LEKR1: variants seen among roughly 807,000 people sequenced by gnomAD.
LEKR1 encodes the protein leucine, glutamate and lysine rich 1.
A neutral mutation model predicts 72.4 loss-of-function variants in LEKR1; 59 were observed. The observed-to-expected ratio is 0.82, with a 90% CI of 0.66 to 1.01. LEKR1 has a LOEUF of 1.01. Ranked by LOEUF, LEKR1 falls within the 50% of genes least tolerant of loss-of-function variation. The pLI is 0.00. For synonymous variants in LEKR1, 257 were observed against 263.2 expected (o/e 0.98, Z 0.23); for missense variants, 728 against 759.2 (o/e 0.96, Z 0.48).
At chr3:156,843,781 A>C (rs1027001077) in intron 2 of LEKR1, among the ~76,000 whole-genome samples, 1 of 152,070 alleles carries the variant, frequency 6.6e-6, no homozygotes, top group African/African-American at 2.4e-5. Context: ...GGAAAAAGAA[A>C]GTGGTCATAC....
chr3:156,869,543 A>T (rs1717676801), intron 3 of LEKR1, among the ~76,000 whole-genome samples: 1 of 151,368 alleles, frequency 6.6e-6, no homozygotes, highest in African/African-American at 2.4e-5. Flanking sequence ...TTTTTAATTG[A>T]ATTATTTGGT....
chr3:156,901,917 C>T (rs899747604), intron 3 of LEKR1, among the ~76,000 whole-genome samples: 3 of 152,168 alleles, frequency 2.0e-5, no homozygotes, highest in Admixed American at 2.0e-4. Flanking sequence ...AACTCCTGAC[C>T]TTGTGATCCA....
chr3:157,035,921 G>A (rs1256608068), intron 12 of LEKR1, among the ~76,000 whole-genome samples: 2 of 151,992 alleles, frequency 1.3e-5, no homozygotes, highest in African/African-American at 4.8e-5. Context: ...AATAGGATAA[G>A]ACCCATTGAT....
chr3:156,911,588 GA>G (rs1723113550), intron 3 of LEKR1, among the ~76,000 whole-genome samples: 1 of 151,932 alleles, frequency 6.6e-6, no homozygotes, highest in Non-Finnish European at 1.5e-5. Flanking sequence ...AACTGATGTT[GA>G]GAAGGCTATT....
At chr3:156,861,840 T>G (rs976964402) in intron 3 of LEKR1, among the ~76,000 whole-genome samples, 1 of 152,056 alleles carries the variant, frequency 6.6e-6, no homozygotes, top group Non-Finnish European at 1.5e-5. Context: ...AGATCTAAGA[T>G]CAGCTAATCT....
chr3:157,009,183 C>A (rs1471770658), intron 9 of LEKR1, among the ~76,000 whole-genome samples: 2 of 151,970 alleles, frequency 1.3e-5, no homozygotes, highest in Middle Eastern at 3.4e-3. Flanking sequence ...TGCTTAGTTG[C>A]CACATTAAAG....
intron 3 of LEKR1, among the ~76,000 whole-genome samples, chr3:156,911,064 A>G (rs892862539): frequency 1.3e-5 from 2 of 152,046 alleles, no homozygotes; most frequent in Non-Finnish European, 2.9e-5. Flanking sequence ...TGTGGTTTTG[A>G]TTTACATTCC....
At chr3:156,883,031 T>C (rs574501021) in intron 3 of LEKR1, among the ~76,000 whole-genome samples, 74 of 152,134 alleles carry the variant, frequency 4.9e-4, no homozygotes, top group African/African-American at 1.7e-3. Context: ...AGAGATAGCA[T>C]TGGGATATAT....
At chr3:156,876,133 G>T (rs114206836) in intron 3 of LEKR1, among the ~76,000 whole-genome samples, 4,834 of 152,020 alleles carry the variant, frequency 0.032, 115 homozygotes, top group Non-Finnish European at 0.047. Context: ...TGAAAATCAG[G>T]TGGCTGTAAG....
At chr3:156,909,655 C>CAAAA (rs10662704) in intron 3 of LEKR1, among the ~76,000 whole-genome samples, 4 of 101,824 alleles carry the variant, frequency 3.9e-5, no homozygotes, top group Middle Eastern at 4.5e-3. Flanking sequence ...GAGTCTGTCT[C>CAAAA]AAAAAAAAAA....
intron 2 of LEKR1, among the ~76,000 whole-genome samples, chr3:156,832,035 G>C (rs1712481460): frequency 6.6e-6 from 1 of 152,230 alleles, no homozygotes; most frequent in African/African-American, 2.4e-5. Context: ...CACAGGGGCA[G>C]ATTTGGAGTG....
chr3:157,028,145 G>A lies in LEKR1; in HGVS notation c.1411G>A (p.Glu471Lys), dbSNP rs1366856173. Residue 471 changes from glutamate to lysine, a missense_variant, in exon 12 of 13, where the codon GAA becomes AAA. Coordinates refer to ENST00000356539, the MANE Select transcript of LEKR1 (RefSeq NM_001004316.3). ...ITGATRDLRQ[E>K]VTTLKEKLHK... ...AGGCGCTACAAGAGATCTAAGGCAGGAAGTGACCACTCTTAAAGAAAAACT... is the reference window on the plus strand; with the variant it reads ...AGGCGCTACAAGAGATCTAAGGCAGAAAGTGACCACTCTTAAAGAAAAACT... 4.4e-6 allele frequency: 7 copies of A among 1,607,698 alleles called. No individual in the cohort carries two copies. The East Asian group carries it at 8.9e-5, about 21-fold the overall frequency.
intron 5 of LEKR1, among the ~76,000 whole-genome samples, chr3:156,928,758 A>G (rs925484099): frequency 6.6e-6 from 1 of 152,118 alleles, no homozygotes; most frequent in Non-Finnish European, 1.5e-5. Context: ...TAAATAGTCC[A>G]TCTGAAACTA....
intron 6 of LEKR1, among the ~76,000 whole-genome samples, chr3:156,945,272 A>T (rs1186284721): frequency 2.6e-5 from 4 of 151,348 alleles, no homozygotes; most frequent in Admixed American, 1.3e-4. Flanking sequence ...AGGTTATTAA[A>T]TTTTTTCCTA....
intron 3 of LEKR1, among the ~76,000 whole-genome samples, chr3:156,890,111 C>T (rs1560055689): frequency 1.3e-5 from 2 of 152,080 alleles, no homozygotes; most frequent in Non-Finnish European, 2.9e-5. Flanking sequence ...AAGTGCAATG[C>T]CTGGCACTTG....
At chr3:156,989,840 GACAC>G (rs887911529) in intron 7 of LEKR1, among the ~76,000 whole-genome samples, 3 of 150,826 alleles carry the variant, frequency 2.0e-5, no homozygotes, top group South Asian at 2.1e-4. Flanking sequence ...CAGACAGAAA[GACAC>G]ACACACACAC....
chr3:156,841,497 G>T (rs1362185879), intron 2 of LEKR1, among the ~76,000 whole-genome samples: 1 of 152,136 alleles, frequency 6.6e-6, no homozygotes, highest in African/African-American at 2.4e-5. Context: ...ACAGAGAAGT[G>T]GGGACACCAA....
intron 3 of LEKR1, among the ~76,000 whole-genome samples, chr3:156,911,802 C>T (rs914395532): frequency 6.6e-6 from 1 of 151,960 alleles, no homozygotes; most frequent in Non-Finnish European, 1.5e-5. Context: ...TGTCAAAGAT[C>T]AGATGATTGT....
chr3:156,931,773 G>A (rs528738110), intron 5 of LEKR1, among the ~76,000 whole-genome samples: 7 of 151,890 alleles, frequency 4.6e-5, no homozygotes, highest in South Asian at 2.1e-4. Context: ...TCATTTATAC[G>A]ATGTTCTAGA....
Sources: gnomAD v4.1 joint callset for allele counts (sites outside exome capture counted in the v4.1 genomes callset) on GRCh38, gnomAD v4.1.1 for gene constraint, MANE v1.5 for transcripts, NCBI Gene and HGNC (gene_info 2026-07-23, HGNC 2026-07-21) for gene names.